RALGPS1: variants seen among roughly 807,000 people sequenced by gnomAD.
The protein encoded by RALGPS1 is Ral GEF with PH domain and SH3 binding motif 1.
RALGPS1 carries 19 observed loss-of-function variants against 78.8 expected under a neutral mutation model. The ratio of observed to expected loss-of-function variants is 0.24; its 90% CI spans 0.17 to 0.35. RALGPS1 has a LOEUF of 0.35. Ranked by LOEUF, RALGPS1 falls within the 10% of genes least tolerant of loss-of-function variation. RALGPS1 has a pLI of 1.00. For synonymous variants in RALGPS1, 228 were observed against 256.3 expected, an observed-to-expected ratio of 0.89 and a Z score of 1.06; for missense variants, 454 against 688.3, an observed-to-expected ratio of 0.66 and a Z score of 3.81.
chr9:126,924,430 T>C (rs2035066674), intron 1 of RALGPS1, among the ~76,000 whole-genome samples: 1 of 152,232 alleles, frequency 6.6e-6, no homozygotes, highest in East Asian at 1.9e-4. Context: ...TCTTGGAACC[T>C]AGTTTTATCA....
chr9:126,937,861 T>G (rs1230241339), intron 1 of RALGPS1, among the ~76,000 whole-genome samples: 1 of 152,198 alleles, frequency 6.6e-6, no homozygotes, highest in Non-Finnish European at 1.5e-5. Context: ...AGAAAGGAAC[T>G]TGGCCTCAAA....
rs2061354025 is a variant in RALGPS1, at chr9:127,196,487, T to C, written c.1051T>C (p.Leu351=). Residue 351 remains leucine, a synonymous_variant, in exon 13 of 19, where the codon TTG becomes CTG. Transcript: ENST00000259351. The part of the protein sequence containing the change: ...HSLGNNMMCQ[L]SVVESKSATF... ...TCCATTTTCCAGTATGATGTGTCAG[T>C]TGAGTGTAGTTGAGAGTAAAAGTGC... The C allele has an allele frequency of 1.2e-6, 2 of 1,612,458 alleles. No individual in the cohort carries two copies. The highest frequency in any genetic ancestry group is 1.7e-6 in the Non-Finnish European group (2 of 1,179,358).
At chr9:127,025,265 G>A (rs1454141656) in intron 4 of RALGPS1, among the ~76,000 whole-genome samples, 3 of 152,170 alleles carry the variant, frequency 2.0e-5, no homozygotes, top group Non-Finnish European at 4.4e-5. Flanking sequence ...TGGATTATAT[G>A]GCTGTACCAT....
chr9:127,086,518 A>G (rs1381307038), intron 8 of RALGPS1, among the ~76,000 whole-genome samples: 1 of 152,198 alleles, frequency 6.6e-6, no homozygotes, highest in African/African-American at 2.4e-5. Flanking sequence ...TCTCATGTGT[A>G]CATGTACTTT....
chr9:127,011,404 C>T (rs2044330074), intron 4 of RALGPS1, among the ~76,000 whole-genome samples: 3 of 152,148 alleles, frequency 2.0e-5, no homozygotes, highest in African/African-American at 7.2e-5. Context: ...GTCTCAAACT[C>T]CTGACCTCAG....
intron 1 of RALGPS1, among the ~76,000 whole-genome samples, chr9:126,945,713 C>T (rs905477489): frequency 4.6e-5 from 7 of 152,140 alleles, no homozygotes; most frequent in Non-Finnish European, 8.8e-5. Context: ...GGTGTTCTTG[C>T]CATTATATCC....
At position 127,091,999 on chromosome 9, in the gene RALGPS1, T is replaced by C; in HGVS notation, c.610+22643T>C. ...CCTGCAGCACCTGCAGCCAGCAGGC[T>C]TGGCTGTCAGACACTCAGCCCTGGA... is the stretch of plus-strand genomic sequence containing the variant. On this transcript the variant is annotated intron_variant, in intron 8 of 18. Transcript: ENST00000259351. The surrounding 1 kb of genome is among the most constrained non-coding windows in gnomAD (Gnocchi z 4.3). The C allele has an allele frequency of 5.1e-6, 8 of 1,583,942 alleles. No homozygotes were observed. The highest frequency in any genetic ancestry group is 6.9e-6 in the Non-Finnish European group (8 of 1,163,816).
intron 8 of RALGPS1, among the ~76,000 whole-genome samples, chr9:127,143,222 G>GAGTGCA: frequency 6.6e-6 from 1 of 152,216 alleles, no homozygotes; most frequent in African/African-American, 2.4e-5. Context: ...AAGTTCCTGG[G>GAGTGCA]AGTGCAACTG....
At chr9:127,164,372 A>G (rs1179449417) in intron 8 of RALGPS1, among the ~76,000 whole-genome samples, 1 of 150,970 alleles carries the variant, frequency 6.6e-6, no homozygotes, top group African/African-American at 2.4e-5. Context: ...AGTAGCTGGG[A>G]TTACAGGCGC....
chr9:127,008,481 G>C (rs1208216558), intron 4 of RALGPS1, among the ~76,000 whole-genome samples: 1 of 125,610 alleles, frequency 8.0e-6, no homozygotes, highest in Non-Finnish European at 1.9e-5. Flanking sequence ...GCAGGACCAG[G>C]GAAACAAAAC....
chr9:127,104,241 C>T (rs1222421553), intron 8 of RALGPS1, among the ~76,000 whole-genome samples: 1 of 152,180 alleles, frequency 6.6e-6, no homozygotes, highest in East Asian at 1.9e-4. Flanking sequence ...TCTGACAAAG[C>T]CCGTCTGTGG....
chr9:127,029,677 A>G (rs1269655034), intron 4 of RALGPS1, among the ~76,000 whole-genome samples: 3 of 152,222 alleles, frequency 2.0e-5, no homozygotes, highest in Non-Finnish European at 4.4e-5. Context: ...TGGAAGGGCC[A>G]TGTGCTGACG....
intron 4 of RALGPS1, among the ~76,000 whole-genome samples, chr9:127,023,211 A>G (rs934461859): frequency 1.3e-5 from 2 of 152,184 alleles, no homozygotes; most frequent in African/African-American, 2.4e-5. Context: ...GGCAATGTCT[A>G]TTAGGACTGC....
In RALGPS1 at chr9:127,117,100, A is replaced by G. The variant is rs912315416; in HGVS notation, c.610+47744A>G. ...TGTTGTCATGCCTCCCTGCCTTTGC[A>G]TGTGCTGTGCTTCCTGCCTCGAGTA... On this transcript the variant is annotated intron_variant, in intron 8 of 18. Coordinates refer to ENST00000259351, the MANE Select transcript of RALGPS1 (RefSeq NM_014636.3). Among the ~76,000 whole-genome samples, 4 of 152,322 alleles carry G rather than the reference A, an allele frequency of 2.6e-5. No individual in the cohort carries two copies. In the South Asian group the frequency reaches 6.2e-4, roughly 24 times the overall value.
intron 5 of RALGPS1, among the ~76,000 whole-genome samples, chr9:127,042,074 T>C (rs1313911329): frequency 6.6e-6 from 1 of 152,220 alleles, no homozygotes; most frequent in African/African-American, 2.4e-5. Context: ...TCATAAGAAA[T>C]AGTAGTATTT....
At chr9:126,915,302 G>A (rs2034008992) in intron 1 of RALGPS1, 1 of 140,638 alleles carries the variant, frequency 7.1e-6, no homozygotes, top group Non-Finnish European at 1.6e-5. Context: ...CAGTTGGGCG[G>A]GGCGCCGCGG....
intron 10 of RALGPS1, among the ~76,000 whole-genome samples, chr9:127,171,439 A>G (rs944880789): frequency 2.0e-5 from 3 of 152,354 alleles, no homozygotes; most frequent in East Asian, 1.9e-4. Flanking sequence ...ATTATTTTCC[A>G]AAAGAGCCTT....
chr9:127,216,176 C>T (rs377021586), intron 18 of RALGPS1: 2 of 152,142 alleles, frequency 1.3e-5, no homozygotes, highest in African/African-American at 2.4e-5. Flanking sequence ...GTGCTCAGCT[C>T]GGTCTGTAAC....
chr9:127,045,282 A>G (rs1415379646), intron 5 of RALGPS1, among the ~76,000 whole-genome samples: 1 of 152,260 alleles, frequency 6.6e-6, no homozygotes. Context: ...GAATGTAATA[A>G]AAGAATCTAT....
Sources: gnomAD v4.1 joint callset for allele counts (sites outside exome capture counted in the v4.1 genomes callset) on GRCh38, gnomAD v4.1.1 for gene constraint, Gnocchi (gnomAD v3.1) non-coding constraint, MANE v1.5 for transcripts, NCBI Gene and HGNC (gene_info 2026-07-23, HGNC 2026-07-21) for gene names.